The following MED12L variants were observed in gnomAD, a reference collection of about 807,000 sequenced individuals.
MED12L encodes the protein mediator of RNA polymerase II transcription subunit 12-like protein.
A neutral mutation model predicts 281.3 loss-of-function variants in MED12L; 60 were observed. That is an observed-to-expected ratio of 0.21 (90% confidence interval 0.17 to 0.26). The LOEUF (loss-of-function observed/expected upper bound fraction) is 0.26. Ranked by LOEUF, MED12L falls within the 10% of genes least tolerant of loss-of-function variation. The probability of loss-of-function intolerance (pLI) is 1.00; values close to 1 mark genes in which losing one functional copy is unlikely to be tolerated. For missense variants in MED12L, 2,146 were observed against 2,680.9 expected (o/e 0.80, Z 4.41); for synonymous variants, 974 against 987.2 (o/e 0.99, Z 0.25).
chr3:151,174,067 T>C (rs1052300704), intron 11 of MED12L, among the ~76,000 whole-genome samples: 5 of 152,224 alleles, frequency 3.3e-5, no homozygotes, highest in African/African-American at 1.2e-4. Flanking sequence ...TTTGGAATAT[T>C]TGCATTATAT....
chr3:151,369,088 G>T (rs1223770925), intron 25 of MED12L, among the ~76,000 whole-genome samples: 1 of 152,098 alleles, frequency 6.6e-6, no homozygotes, highest in Non-Finnish European at 1.5e-5. Flanking sequence ...TAAGTAAAAG[G>T]AATAAAGTAA....
rs111430435 is a variant in MED12L, at chr3:151,384,236, C to A, written c.4926+18C>A. On this transcript the variant is annotated intron_variant, in intron 35 of 44. Coordinates refer to ENST00000687756, the MANE Select transcript of MED12L (RefSeq NM_001393769.1). ...AACTGAAAGTAAGTTTGAGATCAGC[C>A]TGTATTATGAGCTCAAGTTGTTTAT... The A allele has an allele frequency of 2.0e-5, 31 of 1,587,924 alleles. No homozygotes were observed. The African/African-American group carries it at 2.6e-4, about 13-fold the overall frequency.
intron 16 of MED12L, among the ~76,000 whole-genome samples, chr3:151,203,611 T>G (rs957470221): frequency 2.6e-5 from 4 of 152,008 alleles, no homozygotes; most frequent in African/African-American, 9.7e-5. Context: ...CTGAGACACC[T>G]ATTATTAAAA....
At chr3:151,253,104 A>G (rs1329801631) in intron 16 of MED12L, among the ~76,000 whole-genome samples, 2 of 152,204 alleles carry the variant, frequency 1.3e-5, no homozygotes, top group Non-Finnish European at 2.9e-5. Flanking sequence ...AGGAAAATGT[A>G]TTAACAGAAT....
chr3:151,087,535 C>T (rs995417409), intron 2 of MED12L, among the ~76,000 whole-genome samples: 14 of 152,194 alleles, frequency 9.2e-5, no homozygotes, highest in Non-Finnish European at 1.5e-5. Flanking sequence ...ATATTTAGCT[C>T]TCTGAATATA....
At chr3:151,125,997 TA>T (rs1349842621) in intron 4 of MED12L, among the ~76,000 whole-genome samples, 1 of 151,788 alleles carries the variant, frequency 6.6e-6, no homozygotes, top group Non-Finnish European at 1.5e-5. Flanking sequence ...GTACATGACC[TA>T]AAGTCTCTTC....
At chr3:151,136,274 A>G (rs1169321585) in intron 5 of MED12L, among the ~76,000 whole-genome samples, 1 of 152,250 alleles carries the variant, frequency 6.6e-6, no homozygotes, top group African/African-American at 2.4e-5. Flanking sequence ...TTTCTTATCT[A>G]AGCCTACCAG....
intron 2 of MED12L, among the ~76,000 whole-genome samples, 183 bp from the exon 3 acceptor site, chr3:151,116,155 T>C (rs146444044): frequency 5.9e-5 from 9 of 151,760 alleles, no homozygotes; most frequent in African/African-American, 1.9e-4. Flanking sequence ...TTCATCCCTC[T>C]ACACATTTAT....
At chr3:151,141,178 G>GTTTTTTTTTTTTTTTTTTT (rs370095367) in intron 5 of MED12L, among the ~76,000 whole-genome samples, 5 of 102,230 alleles carry the variant, frequency 4.9e-5, no homozygotes, top group African/African-American at 1.7e-4. Context: ...TTTTTTTTTT[G>GTTTTTTTTTTTTTTTTTTT]TTTTTTTTGT....
rs1298454224 is a variant in MED12L at position 151,278,563 on chromosome 3, G to A, written c.2251-71496G>A. 2.0e-5 allele frequency: 3 copies of A among 152,190 alleles called. No individual in the cohort carries two copies. The East Asian group carries it at 5.8e-4, about 29-fold the overall frequency. The allele number at this position is 152,190 out of a possible 1,614,324, so 9.4% of individuals were successfully genotyped here. A position where few individuals can be genotyped will look rare whatever the true frequency, so the allele number is the denominator to read the frequency against. ...CTTCTGAGCTAGTTCCTTTCCTCCA[G>A]TAATGCAAAAACAGTCCTGCTTTCT... On this transcript the variant is annotated intron_variant, in intron 16 of 44. Transcript: ENST00000687756.
intron 5 of MED12L, among the ~76,000 whole-genome samples, chr3:151,152,087 T>TTTTG (rs1718610459): frequency 3.1e-5 from 1 of 32,106 alleles, no homozygotes; most frequent in Admixed American, 3.8e-4. Flanking sequence ...TGAAGGTGGT[T>TTTTG]TTTTTTTTTT....
At chr3:151,113,957 A>C (rs75683342) in intron 2 of MED12L, among the ~76,000 whole-genome samples, 5 of 152,288 alleles carry the variant, frequency 3.3e-5, no homozygotes, top group Non-Finnish European at 7.4e-5. Flanking sequence ...TTTTAGTAAA[A>C]ACATATGCTG....
At chr3:151,185,561 T>C (rs1723159733) in intron 12 of MED12L, 100 bp downstream of exon 12, 8 of 1,309,844 alleles carry the variant, frequency 6.1e-6, no homozygotes, top group Non-Finnish European at 7.2e-6. Context: ...ATTCTTTTGC[T>C]CTTGAGGAAA....
chr3:151,357,165 A>AT, intron 19 of MED12L, 48 bp from the exon 20 acceptor site: 1 of 1,446,214 alleles, frequency 6.9e-7, no homozygotes. Flanking sequence ...TGTTTTCTCT[A>AT]TTTGTTTTGG....
intron 16 of MED12L, among the ~76,000 whole-genome samples, chr3:151,201,688 C>A (rs1725615002): frequency 6.6e-6 from 1 of 152,234 alleles, no homozygotes; most frequent in African/African-American, 2.4e-5. Context: ...CTACTCCAGG[C>A]TTTACCGATG....
chr3:151,167,168 A>G (rs1344737845), intron 11 of MED12L, among the ~76,000 whole-genome samples: 1 of 152,258 alleles, frequency 6.6e-6, no homozygotes, highest in Non-Finnish European at 1.5e-5. Flanking sequence ...TCTAAAATTG[A>G]TAATCACAGA....
chr3:151,130,362 C>G (rs1008065577), intron 5 of MED12L, among the ~76,000 whole-genome samples: 1 of 152,158 alleles, frequency 6.6e-6, no homozygotes, highest in Non-Finnish European at 1.5e-5. Context: ...GTCATCTTTA[C>G]TTTCAAAATA....
At position 151,411,718 on chromosome 3, in the gene MED12L, C is replaced by G. The variant is rs536866130; in HGVS notation, c.6140+211C>G. Among the ~76,000 whole-genome samples the G allele has an allele frequency of 5.3e-5, 8 of 152,318 alleles. No homozygotes were observed. The South Asian group carries it at 1.2e-3, about 24-fold the overall frequency. ...TTGTTTATTTCATTAAAGATCCTTA[C>G]AGTTTTGACTCATGTCTTCCAAGAC... On this transcript the variant is annotated intron_variant, in intron 41 of 44. Transcript: ENST00000687756.
intron 6 of MED12L, among the ~76,000 whole-genome samples, chr3:151,157,582 A>G (rs1021057194): frequency 1.3e-5 from 2 of 152,202 alleles, no homozygotes; most frequent in Non-Finnish European, 2.9e-5. Flanking sequence ...ATATTTATTT[A>G]GAACTCACTT....
Sources: allele counts gnomAD v4.1 joint callset (sites outside exome capture counted in the v4.1 genomes callset), GRCh38; gene constraint gnomAD v4.1.1; transcripts MANE v1.5; gene names NCBI Gene and HGNC (gene_info 2026-07-23, HGNC 2026-07-21).